Variants in RNASET2 observed in about 807,000 individuals in gnomAD.
The protein encoded by RNASET2 is ribonuclease 6.
Under a neutral mutation model 33.9 loss-of-function variants are expected in RNASET2, and 28 were observed. The ratio of observed to expected loss-of-function variants is 0.83; its 90% CI spans 0.61 to 1.13. The LOEUF (loss-of-function observed/expected upper bound fraction) is 1.13. Ranked by LOEUF, RNASET2 falls within the 50% of genes most tolerant of loss-of-function variation. The pLI is 0.00. For synonymous variants in RNASET2, 123 were observed against 121.0 expected, an observed-to-expected ratio of 1.02 and a Z score of -0.11; for missense variants, 330 against 319.9, an observed-to-expected ratio of 1.03 and a Z score of -0.24.
chr6:166,943,458 T>C (rs1170659144), intron 4 of RNASET2: 4 of 343,392 alleles, frequency 1.2e-5, no homozygotes, highest in Non-Finnish European at 2.3e-5. Context: ...AGAGGCTACA[T>C]ACTGTATGAT....
Position 166,928,385 on chromosome 6 carries a change from G to GAA in RNASET2, c.*1201_*1202dup, listed in dbSNP as rs1232347203. On this transcript the variant is annotated 3_prime_UTR_variant, in exon 9 of 9. Coordinates refer to ENST00000508775, the MANE Select transcript of RNASET2 (RefSeq NM_003730.6). ...GTGAGGTTTTGGTTTGAGCCAATTT[G>GAA]AAAATCTCTTCTTTAAATGGGCGAG... Among the ~76,000 whole-genome samples, 1 of 150,986 alleles carries GAA rather than the reference G, an allele frequency of 6.6e-6. No homozygotes were observed. The highest frequency in any genetic ancestry group is 1.5e-5 in the Non-Finnish European group (1 of 67,918).
intron 6 of RNASET2, chr6:166,934,956 T>A (rs550344786): frequency 1.3e-5 from 2 of 152,344 alleles, no homozygotes; most frequent in South Asian, 4.1e-4. Context: ...AAATTCTGAA[T>A]CATTGCAGAA....
At chr6:166,931,790 C>T (rs1250369391) in intron 7 of RNASET2, 1 of 155,594 alleles carries the variant, frequency 6.4e-6, no homozygotes, top group Non-Finnish European at 1.4e-5. Flanking sequence ...CTGGGGTCAC[C>T]AGCTCCAGCA....
intron 3 of RNASET2, 164 bp downstream of exon 3, chr6:166,948,406 A>C (rs759840016): frequency 1.3e-5 from 9 of 701,688 alleles, no homozygotes; most frequent in South Asian, 9.0e-5. Flanking sequence ...CAAGAGAATC[A>C]GGGTTCTGCT....
At chr6:166,951,079 G>T (rs566923540) in intron 2 of RNASET2, among the ~76,000 whole-genome samples, 10 of 152,326 alleles carry the variant, frequency 6.6e-5, no homozygotes, top group Non-Finnish European at 1.5e-4. Context: ...AAGGGGCAGG[G>T]TAAGGAGTGT....
At chr6:166,949,141 T>C (rs919491127) in intron 2 of RNASET2, among the ~76,000 whole-genome samples, 1 of 130,322 alleles carries the variant, frequency 7.7e-6, no homozygotes, top group Middle Eastern at 5.4e-3. Flanking sequence ...TTGAACTCAG[T>C]GAGCCGAGAT....
intron 7 of RNASET2, 171 bp from the exon 8 acceptor site, chr6:166,931,289 G>T: frequency 1.6e-6 from 1 of 644,982 alleles, no homozygotes; most frequent in Middle Eastern, 3.9e-4. Flanking sequence ...CGAAGCAGAG[G>T]ATGCTGTCAA....
At chr6:166,944,565 A>T (rs1382747507) in intron 4 of RNASET2, among the ~76,000 whole-genome samples, 2 of 151,428 alleles carry the variant, frequency 1.3e-5, no homozygotes, top group Non-Finnish European at 2.9e-5. Context: ...TGAGTGTGCA[A>T]ATTGGGCTAC....
Position 166,925,247 on chromosome 6 carries a change from C to T in RNASET2, c.*4341G>A, listed in dbSNP as rs1024879883. Among the ~76,000 whole-genome samples, 2 of 150,180 alleles carry T rather than the reference C, an allele frequency of 1.3e-5. No homozygotes were observed. Among genetic ancestry groups the T allele is most frequent in the African/African-American group, 4.9e-5 (2 of 40,676 alleles). ...ACCCTTGCTGTCCAGCCGACACCTA[C>T]GATGCGCAGTCCATGTCTCCGCTGC... On this transcript the variant is annotated 3_prime_UTR_variant, in exon 9 of 9. Transcript: ENST00000508775.
At chr6:166,955,298 GCGCACACACGACACA>G (rs1779111610) in intron 1 of RNASET2, among the ~76,000 whole-genome samples, 1 of 31,944 alleles carries the variant, frequency 3.1e-5, no homozygotes, top group East Asian at 1.5e-3. Flanking sequence ...ACGCACAGAC[GCGCACACACGACACA>G]CACGCACACA....
chr6:166,943,299 G>A (rs1778738055), intron 4 of RNASET2: 8 of 470,320 alleles, frequency 1.7e-5, no homozygotes, highest in South Asian at 1.2e-4. Context: ...AACTGCACAC[G>A]AAAATACAAG....
At chr6:166,954,081 C>T (rs1312020850) in intron 1 of RNASET2, among the ~76,000 whole-genome samples, 1 of 152,160 alleles carries the variant, frequency 6.6e-6, no homozygotes, top group Non-Finnish European at 1.5e-5. Context: ...CCATCTAAAA[C>T]CAGGCAGAGT....
intron 8 of RNASET2, among the ~76,000 whole-genome samples, chr6:166,930,544 ACATG>A (rs931889668): frequency 2.0e-5 from 3 of 151,010 alleles, no homozygotes; most frequent in African/African-American, 7.3e-5. Flanking sequence ...ACACATGCCC[ACATG>A]CATGTTCACA....
At chr6:166,949,203 A>AAAAAAAAAAT (rs1778922236) in intron 2 of RNASET2, among the ~76,000 whole-genome samples, 1 of 147,140 alleles carries the variant, frequency 6.8e-6, no homozygotes, top group Non-Finnish European at 1.5e-5. Flanking sequence ...TGTCTCCAAA[A>AAAAAAAAAAT]AAAAAAAAAA....
At chr6:166,936,076 A>G (rs1778558713) in intron 6 of RNASET2, among the ~76,000 whole-genome samples, 1 of 152,248 alleles carries the variant, frequency 6.6e-6, no homozygotes, top group South Asian at 2.1e-4. Context: ...TGACTTCTTA[A>G]TTTAATTTTT....
chr6:166,953,816 G>A (rs948735347), intron 1 of RNASET2, among the ~76,000 whole-genome samples: 3 of 150,632 alleles, frequency 2.0e-5, no homozygotes, highest in Admixed American at 2.0e-4. Context: ...GGAGGTGGAA[G>A]ATGCAGTGAG....
intron 6 of RNASET2, chr6:166,935,044 T>A (rs931626160): frequency 6.6e-6 from 1 of 152,170 alleles, no homozygotes; most frequent in Admixed American, 6.5e-5. Context: ...GACTTAGACA[T>A]CCTCTGTGGG....
At chr6:166,929,859 T>TGAACTTTTA (rs1778378364) in intron 8 of RNASET2, 68 bp from the exon 9 acceptor site, 1 of 1,479,744 alleles carries the variant, frequency 6.8e-7, no homozygotes, top group Admixed American at 1.7e-5. Context: ...CTTAAGATCA[T>TGAACTTTTA]GAACTTTTAG....
intron 5 of RNASET2, among the ~76,000 whole-genome samples, chr6:166,942,731 T>C (rs1284410859): frequency 1.3e-5 from 2 of 152,200 alleles, no homozygotes; most frequent in Non-Finnish European, 2.9e-5. Flanking sequence ...CACGAGCCAT[T>C]GTGACTGGCC....
Sources: allele counts gnomAD v4.1 joint callset (sites outside exome capture counted in the v4.1 genomes callset), GRCh38; gene constraint gnomAD v4.1.1; transcripts MANE v1.5; gene names NCBI Gene and HGNC (gene_info 2026-07-23, HGNC 2026-07-21).